The following EFNA5 variants were observed in gnomAD, a reference collection of about 807,000 sequenced individuals.
EFNA5 encodes the protein ephrin A5.
EFNA5 carries 5 observed loss-of-function variants against 22.9 expected under a neutral mutation model. The observed-to-expected ratio is 0.22, with a 90% confidence interval of 0.11 to 0.46. The LOEUF (loss-of-function observed/expected upper bound fraction) is 0.46, where lower values mean the gene tolerates loss of function less well. Among genes scored for constraint, EFNA5 ranks in the 20% least tolerant of loss-of-function variants. EFNA5 has a pLI of 0.99. For synonymous variants in EFNA5, 113 were observed against 112.2 expected, an observed-to-expected ratio of 1.01 and a Z score of -0.04; for missense variants, 237 against 293.3, an observed-to-expected ratio of 0.81 and a Z score of 1.40.
chr5:107,453,097 T>C (rs1292961862), intron 1 of EFNA5, among the ~76,000 whole-genome samples: 4 of 152,140 alleles, frequency 2.6e-5, no homozygotes, highest in African/African-American at 9.7e-5. Context: ...TCAATAACAA[T>C]ACACTATTTA....
chr5:107,604,974 C>T lies in EFNA5; in HGVS notation c.125+65515G>A, dbSNP rs141853345. The stretch of plus-strand genomic sequence containing the variant: ...GTTATCTCCTGCCTATTCATAGGCA[C>T]CTGCACACCAGCAGCCTAAAGACAG... On this transcript the variant is annotated intron_variant, in intron 1 of 4. Transcript: ENST00000333274. 1.1e-3 allele frequency among the ~76,000 whole-genome samples: 160 copies of T among 152,292 alleles called. 1 individual carries two copies. The highest frequency in any genetic ancestry group is 1.8e-3 in the Non-Finnish European group (125 of 68,028).
At chr5:107,424,840 T>A (rs2731839) in intron 2 of EFNA5, among the ~76,000 whole-genome samples, 1 of 151,964 alleles carries the variant, frequency 6.6e-6, no homozygotes, top group Non-Finnish European at 1.5e-5. Context: ...CTGACTGCAG[T>A]GGTGGAAGAG....
At chr5:107,386,310 A>G (rs1747622798) in intron 4 of EFNA5, among the ~76,000 whole-genome samples, 1 of 152,138 alleles carries the variant, frequency 6.6e-6, no homozygotes, top group East Asian at 1.9e-4. Flanking sequence ...AGAGGACACC[A>G]CAGAGGAAGG....
chr5:107,406,091 A>AGAATGTATACAAATACATG (rs1561372484), intron 2 of EFNA5, among the ~76,000 whole-genome samples: 3 of 30,042 alleles, frequency 1.0e-4, no homozygotes, highest in East Asian at 6.4e-4. Flanking sequence ...ACAAATACCT[A>AGAATGTATACAAATACATG]TATTTGTATA....
intron 1 of EFNA5, among the ~76,000 whole-genome samples, chr5:107,475,249 G>C (rs1488504193): frequency 1.3e-5 from 2 of 152,174 alleles, no homozygotes; most frequent in Non-Finnish European, 2.9e-5. Context: ...TAACATACAA[G>C]AGCTTTTCAA....
At chr5:107,610,355 C>T (rs26728) in intron 1 of EFNA5, among the ~76,000 whole-genome samples, 24,812 of 152,238 alleles carry the variant, frequency 0.16, 2,303 homozygotes, top group Admixed American at 0.22. Context: ...CACGGCGCAC[C>T]CGCCCCGCTT....
chr5:107,481,797 CTG>C (rs1750470055), intron 1 of EFNA5, among the ~76,000 whole-genome samples: 1 of 148,834 alleles, frequency 6.7e-6, no homozygotes, highest in Non-Finnish European at 1.5e-5. Context: ...TTGCAGTGAG[CTG>C]AGATCACCCC....
chr5:107,533,178 T>C (rs1190137409), intron 1 of EFNA5, among the ~76,000 whole-genome samples: 1 of 152,172 alleles, frequency 6.6e-6, no homozygotes, highest in African/African-American at 2.4e-5. Flanking sequence ...GACAGCACTT[T>C]CTATTGATCA....
chr5:107,486,070 C>T (rs570388029), intron 1 of EFNA5, among the ~76,000 whole-genome samples: 6 of 152,186 alleles, frequency 3.9e-5, no homozygotes, highest in African/African-American at 7.2e-5. Context: ...ATGAGTGTCT[C>T]GCAGGTGAAA....
chr5:107,416,398 T>C (rs79550049), intron 2 of EFNA5, among the ~76,000 whole-genome samples: 2,461 of 152,174 alleles, frequency 0.016, 54 homozygotes, highest in African/African-American at 0.055. Flanking sequence ...ACTACATGGG[T>C]TCAAATCCTG....
intron 1 of EFNA5, among the ~76,000 whole-genome samples, chr5:107,535,960 G>A (rs920987477): frequency 2.0e-5 from 3 of 152,010 alleles, no homozygotes; most frequent in African/African-American, 7.2e-5. Flanking sequence ...CCCTTTTAAG[G>A]CACAGTGCAC....
intron 1 of EFNA5, among the ~76,000 whole-genome samples, chr5:107,566,037 C>T (rs900503394): frequency 6.6e-6 from 1 of 152,168 alleles, no homozygotes; most frequent in Non-Finnish European, 1.5e-5. Flanking sequence ...CCAACCCTGT[C>T]TCAGCAAGGG....
rs1412718325 is a variant in EFNA5 at position 107,598,090 on chromosome 5, G to A, written c.125+72399C>T. ...TTCAAAGATAATAGAAAATCATAAA[G>A]TAATATATGTAGGAGATAATGTAGA... On this transcript the variant is annotated intron_variant, in intron 1 of 4. Coordinates refer to ENST00000333274, the MANE Select transcript of EFNA5 (RefSeq NM_001962.3). 3.3e-5 allele frequency among the ~76,000 whole-genome samples: 5 copies of A among 152,240 alleles called. No individual in the cohort carries two copies. In the East Asian group the frequency reaches 9.6e-4, roughly 29 times the overall value.
intron 1 of EFNA5, among the ~76,000 whole-genome samples, chr5:107,513,279 A>C (rs893608466): frequency 6.6e-6 from 1 of 151,796 alleles, no homozygotes; most frequent in Non-Finnish European, 1.5e-5. Flanking sequence ...AGAGAGAGAG[A>C]CTCTATCAAA....
chr5:107,578,445 G>A (rs1428347269), intron 1 of EFNA5, among the ~76,000 whole-genome samples: 1 of 152,170 alleles, frequency 6.6e-6, no homozygotes, highest in Non-Finnish European at 1.5e-5. Flanking sequence ...CCAAGAGGGG[G>A]CCACACGAGG....
At chr5:107,535,548 A>G (rs1369365823) in intron 1 of EFNA5, among the ~76,000 whole-genome samples, 1 of 152,056 alleles carries the variant, frequency 6.6e-6, no homozygotes, top group Non-Finnish European at 1.5e-5. Flanking sequence ...AGAAAAATAT[A>G]TTTACCTTTA....
chr5:107,657,171 A>C (rs1336530095), intron 1 of EFNA5, among the ~76,000 whole-genome samples: 1 of 152,116 alleles, frequency 6.6e-6, no homozygotes, highest in Admixed American at 6.6e-5. Flanking sequence ...TCTTTTTTTA[A>C]AAATGGAGGT....
At chr5:107,551,942 A>G (rs1393702985) in intron 1 of EFNA5, among the ~76,000 whole-genome samples, 1 of 152,186 alleles carries the variant, frequency 6.6e-6, no homozygotes, top group African/African-American at 2.4e-5. Flanking sequence ...TACAAAGCTG[A>G]AAAAAATCTC....
At chr5:107,551,733 T>C (rs141339016) in intron 1 of EFNA5, among the ~76,000 whole-genome samples, 1 of 152,266 alleles carries the variant, frequency 6.6e-6, no homozygotes, top group Non-Finnish European at 1.5e-5. Context: ...CTCTTTGCAG[T>C]ATCGATTCAT....
Sources: allele counts gnomAD v4.1 joint callset (sites outside exome capture counted in the v4.1 genomes callset), GRCh38; gene constraint gnomAD v4.1.1; transcripts MANE v1.5; gene names NCBI Gene and HGNC (gene_info 2026-07-23, HGNC 2026-07-21).